TONSL: variants seen among roughly 807,000 people sequenced by gnomAD.
TONSL encodes tonsoku like, DNA repair protein.
Under a neutral mutation model 147.1 loss-of-function variants are expected in TONSL, and 112 were observed. That is an observed-to-expected ratio of 0.76 (90% confidence interval 0.65 to 0.89). The LOEUF is 0.89. Ranked by LOEUF, TONSL falls within the 40% of genes least tolerant of loss-of-function variation. TONSL has a pLI of 0.00. For missense variants in TONSL, 1,883 were observed against 1,864.6 expected (o/e 1.01, Z -0.18); for synonymous variants, 868 against 801.5 (o/e 1.08, Z -1.40).
At chr8:144,434,738 G>A (rs372786382) in intron 20 of TONSL, 73 bp downstream of exon 20, 198 of 1,522,768 alleles carry the variant, frequency 1.3e-4, no homozygotes, top group African/African-American at 1.1e-3. Context: ...GGAATGAACC[G>A]GGCTGGTGGA....
At position 144,438,724 on chromosome 8, in the gene TONSL, C is replaced by T. The variant is rs138251107; in HGVS notation, c.1492G>A (p.Asp498Asn). 173 of 1,612,954 alleles carry T rather than the reference C, an allele frequency of 1.1e-4. No individual in the cohort carries two copies. The Middle Eastern group carries it at 2.6e-3, about 25-fold the overall frequency. The change falls in exon 12 of 26, where the codon GAT becomes AAT. Residue 498 changes from aspartate (D) to asparagine (N), a missense_variant. Transcript: ENST00000409379. ...VELSEGEDDT[D>N]GLTPQLEEDE... is the part of the protein sequence containing the mutation. ...TCCTCCAGCTGCGGGGTCAGGCCAT[C>T]GGTGTCGTCCTCTGGAACAGAGCCA...
intron 21 of TONSL, 30 bp from the exon 22 acceptor site, chr8:144,433,789 C>T: frequency 6.5e-7 from 1 of 1,534,694 alleles, no homozygotes; most frequent in Non-Finnish European, 8.8e-7. Flanking sequence ...GCAGTGAGCC[C>T]CCAGCAGTCC....
chr8:144,440,899 CT>C, intron 8 of TONSL, 29 bp from the exon 9 acceptor site: 1 of 1,612,494 alleles, frequency 6.2e-7, no homozygotes, highest in Non-Finnish European at 8.5e-7. Context: ...AGGCCAGGGG[CT>C]GCCACCCTGG....
rs1266998023 is a variant in TONSL at position 144,440,212 on chromosome 8, TGAG to T, written c.1291-5_1291-3del. On this transcript the variant is annotated splice_region_variant and splice_polypyrimidine_tract_variant and intron_variant, in intron 10 of 25. Coordinates refer to ENST00000409379, the MANE Select transcript of TONSL (RefSeq NM_013432.5). Reference sequence around the variant, plus strand: ...ATGGAGATGCTGCAAGACCTGCCTCTGAGGAGCAGAGGGATGCTCAGCTCAGGA... The same window carrying T: ...ATGGAGATGCTGCAAGACCTGCCTCTGAGCAGAGGGATGCTCAGCTCAGGA... The T allele has an allele frequency of 6.3e-7, 1 of 1,590,722 alleles. No individual in the cohort carries two copies. Among genetic ancestry groups the T allele is most frequent in the South Asian group, 1.1e-5 (1 of 89,002 alleles).
intron 25 of TONSL, 138 bp from the exon 26 acceptor site, chr8:144,429,474 A>C (rs1823081744): frequency 2.7e-6 from 2 of 749,942 alleles, no homozygotes; most frequent in African/African-American, 3.7e-5. Context: ...AGAGCTCCGG[A>C]GAGGCCCCAT....
At chr8:144,441,190 T>G in intron 7 of TONSL, 79 bp from the exon 8 acceptor site, 1 of 1,559,226 alleles carries the variant, frequency 6.4e-7, no homozygotes, top group African/African-American at 1.4e-5. Context: ...CTGTGAGCCC[T>G]GTGGTGGCCC....
At chr8:144,441,140 C>T (rs1194810343) in intron 7 of TONSL, 29 bp from the exon 8 acceptor site, 1 of 1,609,464 alleles carries the variant, frequency 6.2e-7, no homozygotes, top group East Asian at 2.2e-5. Flanking sequence ...TGCAGGGGGG[C>T]AGCACAGGGG....
rs376711033 is a variant in TONSL, at chr8:144,440,346, C to T, written c.1290+5G>A. The stretch of plus-strand genomic sequence containing the variant: ...AGCCAGTATGGGTGGGATGGGCTCT[C>T]GCACCTGCAGCTGGGGACGCTGGGC... On this transcript the variant is annotated splice_donor_5th_base_variant and intron_variant, in intron 10 of 25. Transcript: ENST00000409379. 7.0e-6 allele frequency: 11 copies of T among 1,581,388 alleles called. No individual in the cohort carries two copies. Among genetic ancestry groups the T allele is most frequent in the Admixed American group, 3.5e-5 (2 of 57,222 alleles).
intron 11 of TONSL, 69 bp downstream of exon 11, chr8:144,439,952 C>A: frequency 1.3e-6 from 1 of 751,668 alleles, no homozygotes; most frequent in South Asian, 1.5e-5. Context: ...TCCACAGCAG[C>A]ACAGCACACC....
In TONSL at chr8:144,438,553, C is replaced by T. The variant is rs1401612084; in HGVS notation, c.1571G>A (p.Arg524Gln). 22 of 1,606,974 alleles carry T rather than the reference C, an allele frequency of 1.4e-5. No homozygotes were observed. Among genetic ancestry groups the T allele is most frequent in the East Asian group, 6.7e-5 (3 of 44,490 alleles). The change falls in exon 13 of 26, where the codon CGG becomes CAG. Residue 524 changes from arginine (R) to glutamine (Q), a missense_variant. Transcript: ENST00000409379. Reference sequence around the variant, plus strand: ...CAGGGTCTCCCCCATGTCGTTTCGCCGGTTCCACTGTGGGCACAGCCAACC... The same window carrying T: ...CAGGGTCTCCCCCATGTCGTTTCGCTGGTTCCACTGTGGGCACAGCCAACC... The part of the protein sequence containing the change: ...LGRRKGSKWN[R>Q]RNDMGETLLH...
intron 24 of TONSL, 120 bp from the exon 25 acceptor site, chr8:144,430,657 G>T: frequency 4.8e-6 from 6 of 1,259,374 alleles, no homozygotes; most frequent in Non-Finnish European, 6.5e-6. Context: ...CAGGGGCTCT[G>T]CCTCAGCCTG....
chr8:144,432,013 A>T (rs1554878768), intron 23 of TONSL, among the ~76,000 whole-genome samples: 1 of 151,360 alleles, frequency 6.6e-6, no homozygotes, highest in East Asian at 1.9e-4. Flanking sequence ...TTTTTACTAG[A>T]GACAAGGTTT....
At chr8:144,443,455 C>T in intron 3 of TONSL, 134 bp from the exon 4 acceptor site, 1 of 822,632 alleles carries the variant, frequency 1.2e-6, no homozygotes, top group Non-Finnish European at 1.9e-6. Context: ...AGGCCAAGGC[C>T]AGACACGTGC....
intron 3 of TONSL, 97 bp downstream of exon 3, chr8:144,443,785 A>G: frequency 6.7e-7 from 1 of 1,486,178 alleles, no homozygotes; most frequent in Non-Finnish European, 9.0e-7. Flanking sequence ...TGTCCCCTCC[A>G]GCCCGAGGCT....
intron 24 of TONSL, 82 bp from the exon 25 acceptor site, chr8:144,430,619 G>C: frequency 6.7e-7 from 1 of 1,489,268 alleles, no homozygotes; most frequent in Non-Finnish European, 9.0e-7. Flanking sequence ...CCAGACAAAT[G>C]CCAGCTCAGG....
rs1554878891 is a variant in TONSL, at chr8:144,432,347, A to G, written c.3673T>C (p.Ser1225Pro). 6.2e-7 allele frequency: 1 copy of G among 1,613,546 alleles called. No homozygotes were observed. The highest frequency in any genetic ancestry group is 1.1e-5 in the South Asian group (1 of 91,066). The part of the protein sequence containing the change: ...AGTLLHLELS[S>P]VAAGKGDSDL... ...GAATCACCCTTGCCGGCTGCCACGG[A>G]GCTGAGCTCTAAGTGCAGGAGGGTG... The change falls in exon 23 of 26, where the codon TCC (serine) becomes CCC (proline). Residue 1225 changes from serine (S) to proline (P), a missense_variant. Coordinates refer to ENST00000409379, the MANE Select transcript of TONSL (RefSeq NM_013432.5).
At chr8:144,438,202 C>T (rs1182725088) in intron 13 of TONSL, 5 of 539,308 alleles carry the variant, frequency 9.3e-6, no homozygotes, top group Non-Finnish European at 1.7e-5. Context: ...CGTGCAGCCT[C>T]CGCTTTTTAA....
At chr8:144,441,941 G>C in intron 7 of TONSL, 96 bp downstream of exon 7, 1 of 1,051,136 alleles carries the variant, frequency 9.5e-7, no homozygotes, top group Non-Finnish European at 1.4e-6. Flanking sequence ...CTCTGTGAGG[G>C]AGAGAGCCCT....
chr8:144,435,459 C>T lies in TONSL; in HGVS notation c.2852+15G>A. ...TGCACAGGTGGGCTGCGGGGTAGGG[C>T]AGGCGATGCCTCACCTGTGTGGGAC... On this transcript the variant is annotated intron_variant, in intron 18 of 25. Coordinates refer to ENST00000409379, the MANE Select transcript of TONSL (RefSeq NM_013432.5). The T allele has an allele frequency of 6.5e-7, 1 of 1,533,232 alleles. No individual in the cohort carries two copies. The highest frequency in any genetic ancestry group is 1.4e-5 in the African/African-American group (1 of 72,796). The allele number at this position is 1,533,232 out of a possible 1,614,324, so 95.0% of individuals were successfully genotyped here. A position where few individuals can be genotyped will look rare whatever the true frequency, so the allele number is the denominator to read the frequency against.
Sources: gnomAD v4.1 joint callset for allele counts (sites outside exome capture counted in the v4.1 genomes callset) on GRCh38, gnomAD v4.1.1 for gene constraint, MANE v1.5 for transcripts, NCBI Gene and HGNC (gene_info 2026-07-23, HGNC 2026-07-21) for gene names.